The following ZMYM2 variants were observed in gnomAD, a reference collection of about 807,000 sequenced individuals.
ZMYM2 encodes the protein zinc finger MYM-type protein 2.
In ZMYM2, 56 loss-of-function variants were observed where a neutral mutation model predicts 162.8. The ratio of observed to expected loss-of-function variants is 0.34; its 90% CI spans 0.28 to 0.43. ZMYM2 has a LOEUF of 0.43. ZMYM2 is among the 20% of genes least tolerant of loss of function. The probability of loss-of-function intolerance (pLI) is 1.00; values close to 1 mark genes in which losing one functional copy is unlikely to be tolerated. For synonymous variants in ZMYM2, 510 were observed against 541.6 expected (o/e 0.94, Z 0.81); for missense variants, 1,275 against 1,621.8 (o/e 0.79, Z 3.67).
chr13:20,084,254 C>T (rs530437626), intron 24 of ZMYM2, among the ~76,000 whole-genome samples: 28 of 152,292 alleles, frequency 1.8e-4, no homozygotes, highest in Non-Finnish European at 3.7e-4. Context: ...CTCAAGCCAT[C>T]CTCGTGCCTC....
At chr13:19,918,861 T>C in the ZMYM2 span, among the ~76,000 whole-genome samples, 1 of 152,164 alleles carries the variant, frequency 6.6e-6, no homozygotes, top group East Asian at 1.9e-4. Context: ...AGTTTACTGC[T>C]GACCAGAAAA....
chr13:20,047,310 T>C (rs1954917617), intron 12 of ZMYM2, among the ~76,000 whole-genome samples: 1 of 152,242 alleles, frequency 6.6e-6, no homozygotes, highest in African/African-American at 2.4e-5. Flanking sequence ...ACTGTTGCCA[T>C]GGTATCATCT....
chr13:20,058,410 C>A (rs1219489750), intron 14 of ZMYM2, among the ~76,000 whole-genome samples, 165 bp from the exon 15 acceptor site: 1 of 152,052 alleles, frequency 6.6e-6, no homozygotes, highest in Non-Finnish European at 1.5e-5. Context: ...TCATATTGAT[C>A]CTTATAGATT....
chr13:19,948,417 G>A, the ZMYM2 span, among the ~76,000 whole-genome samples: 9 of 152,090 alleles, frequency 5.9e-5, no homozygotes, highest in Non-Finnish European at 1.3e-4. Flanking sequence ...ATTATTCAGC[G>A]CTTAAAAAGA....
intron 18 of ZMYM2, among the ~76,000 whole-genome samples, chr13:20,063,483 T>C (rs948923577): frequency 4.6e-5 from 7 of 151,492 alleles, no homozygotes; most frequent in African/African-American, 1.7e-4. Flanking sequence ...CTTTTTAATT[T>C]AAAAATGTTG....
the ZMYM2 span, among the ~76,000 whole-genome samples, chr13:19,897,073 A>C: frequency 1.2e-5 from 1 of 80,410 alleles, no homozygotes; most frequent in Non-Finnish European, 2.5e-5. Context: ...ACTCTGCCTC[A>C]AAAAAAAAAA....
chr13:19,878,721 C>T, the ZMYM2 span, among the ~76,000 whole-genome samples: 28 of 152,168 alleles, frequency 1.8e-4, no homozygotes, highest in Middle Eastern at 6.8e-3. Context: ...GGGGTTTCAC[C>T]ATGTTGGTCA....
At chr13:19,878,517 CTTTTTTTTTT>C in the ZMYM2 span, among the ~76,000 whole-genome samples, 2 of 99,028 alleles carry the variant, frequency 2.0e-5, no homozygotes, top group South Asian at 7.3e-4. Flanking sequence ...TTCCTTTGCC[CTTTTTTTTTT>C]TTTTTTTTTT....
chr13:20,026,449 G>T, intron 7 of ZMYM2, 163 bp from the exon 8 acceptor site: 1 of 570,096 alleles, frequency 1.8e-6, no homozygotes, highest in Non-Finnish European at 2.9e-6. Flanking sequence ...AGCAGTTGTT[G>T]CATAGTTAAT....
Position 20,006,337 on chromosome 13 carries a change from G to T in ZMYM2, c.1300-37G>T. Reference sequence around the variant, plus strand: ...TTATTATTTAGCTACTTGTCAGATTGATCTGTTTTGTAAGATTTTGTTTAT... The same window carrying T: ...TTATTATTTAGCTACTTGTCAGATTTATCTGTTTTGTAAGATTTTGTTTAT... On this transcript the variant is annotated intron_variant, in intron 5 of 24. Coordinates refer to ENST00000610343, the MANE Select transcript of ZMYM2 (RefSeq NM_197968.4). The T allele has an allele frequency of 2.0e-6, 3 of 1,522,494 alleles. No individual in the cohort carries two copies. The South Asian group carries it at 3.7e-5, about 19-fold the overall frequency. The allele number at this position is 1,522,494 out of a possible 1,614,324, so 94.3% of individuals were successfully genotyped here.
intron 2 of ZMYM2, among the ~76,000 whole-genome samples, chr13:19,960,813 C>G (rs1955126997): frequency 6.6e-6 from 1 of 152,202 alleles, no homozygotes; most frequent in South Asian, 2.1e-4. Context: ...AGTCAGCACT[C>G]TGGACACATT....
At chr13:19,918,247 C>A in the ZMYM2 span, among the ~76,000 whole-genome samples, 1 of 151,950 alleles carries the variant, frequency 6.6e-6, no homozygotes, top group East Asian at 2.0e-4. Context: ...GAGTTCGAGA[C>A]CAGCCGGGCC....
At chr13:19,974,937 T>C (rs920195701) in intron 2 of ZMYM2, among the ~76,000 whole-genome samples, 1 of 152,188 alleles carries the variant, frequency 6.6e-6, no homozygotes, top group African/African-American at 2.4e-5. Context: ...CCTTTGTTAA[T>C]ATAAGAGAAA....
At chr13:19,965,479 T>C (rs1156486919) in intron 2 of ZMYM2, among the ~76,000 whole-genome samples, 3 of 152,216 alleles carry the variant, frequency 2.0e-5, no homozygotes, top group East Asian at 3.8e-4. Context: ...ATTTAACAAA[T>C]TGGATATTAC....
At chr13:19,884,718 G>GA in the ZMYM2 span, among the ~76,000 whole-genome samples, 49 of 152,094 alleles carry the variant, frequency 3.2e-4, no homozygotes, top group East Asian at 1.5e-3. Context: ...TCCTGGTCCA[G>GA]AAAAAAAGAC....
rs911453874 is a variant in ZMYM2, at chr13:20,064,407, C to G, written c.3038-44C>G. 7 of 1,509,266 alleles carry G rather than the reference C, an allele frequency of 4.6e-6. No homozygotes were observed. The East Asian group carries it at 1.2e-4, about 26-fold the overall frequency. 93.5% of individuals were successfully genotyped at this position (1,509,266 alleles called of 1,614,324 possible). ...CTTTGTTGGCTGTGTTTATGTAACC[C>G]TGTGCTATTTCATTTAAAATAAAAG... On this transcript the variant is annotated intron_variant, in intron 18 of 24. Transcript: ENST00000610343.
chr13:19,973,958 G>A (rs1323839321), intron 2 of ZMYM2, among the ~76,000 whole-genome samples: 1 of 152,016 alleles, frequency 6.6e-6, no homozygotes, highest in Non-Finnish European at 1.5e-5. Context: ...CAAAAGGTTG[G>A]GTACCCTTAC....
intron 14 of ZMYM2, among the ~76,000 whole-genome samples, chr13:20,053,000 T>G (rs1215666990): frequency 2.0e-5 from 3 of 152,344 alleles, no homozygotes; most frequent in East Asian, 3.9e-4. Context: ...CTCCAATTTA[T>G]TTTTCTTTTG....
At chr13:19,969,972 A>G (rs1231924186) in intron 2 of ZMYM2, 3 of 893,184 alleles carry the variant, frequency 3.4e-6, no homozygotes, top group Non-Finnish European at 4.0e-6. Context: ...AGTCTACCTT[A>G]TTGGATCTCT....
Sources: allele counts gnomAD v4.1 joint callset (sites outside exome capture counted in the v4.1 genomes callset), GRCh38; gene constraint gnomAD v4.1.1; transcripts MANE v1.5; gene names NCBI Gene and HGNC (gene_info 2026-07-23, HGNC 2026-07-21).